ADAM20: variants seen among roughly 807,000 people sequenced by gnomAD.
ADAM20 encodes ADAM metallopeptidase domain 20.
For synonymous variants in ADAM20, 305 were observed against 310.2 expected (o/e 0.98, Z 0.18); for missense variants, 871 against 883.2 (o/e 0.99, Z 0.18).
chr14:70,535,197 T>C (rs916690741), upstream of ADAM20, among the ~76,000 whole-genome samples: 5 of 152,354 alleles, frequency 3.3e-5, no homozygotes, highest in South Asian at 1.0e-3. Context: ...ATTAAGCTAA[T>C]TTAATGTAAA....
intron 1 of ADAM20, among the ~76,000 whole-genome samples, chr14:70,530,607 G>A (rs1417639610): frequency 1.3e-5 from 2 of 152,066 alleles, no homozygotes; most frequent in East Asian, 3.8e-4. Flanking sequence ...ACATTAGATG[G>A]CTACAAAGTC....
At position 70,523,112 on chromosome 14, in the gene ADAM20, G is replaced by T. The variant is rs1883491288; in HGVS notation, c.1646C>A (p.Thr549Lys). 1.2e-6 allele frequency: 2 copies of T among 1,614,002 alleles called. No homozygotes were observed. Among genetic ancestry groups the T allele is most frequent in the Non-Finnish European group, 1.7e-6 (2 of 1,179,960 alleles). The change falls in exon 2 of 2, where the codon ACA (threonine) becomes AAA (lysine). Residue 549 changes from threonine to lysine, a missense_variant. Transcript: ENST00000256389. ...AGGGGTCCAACATTTTACATATGTTGTGCCTACAATACCACAGTGACCGAA... is the reference window on the plus strand; with the variant it reads ...AGGGGTCCAACATTTTACATATGTTTTGCCTACAATACCACAGTGACCGAA... ...NRFGHCGIVG[T>K]TYVKCWTPDI...
At chr14:70,560,089 T>C in the ADAM20 span, among the ~76,000 whole-genome samples, 1 of 152,124 alleles carries the variant, frequency 6.6e-6, no homozygotes, top group Non-Finnish European at 1.5e-5. Context: ...TCATCCAATA[T>C]AAAATTTATT....
rs775824254 is a variant in ADAM20 at position 70,523,354 on chromosome 14, T to G, written c.1404A>C (p.Gln468His). Reference protein sequence around the residue: ...FLPSGTLCRQQVGECDLPEWC... With the variant: ...FLPSGTLCRQHVGECDLPEWC... ...ACTCTGGAAGGTCACATTCACCAAC[T>G]TGTTGTCTACATAAAGTTCCTGATG... The change falls in exon 2 of 2, where the codon CAA becomes CAC. Residue 468 changes from glutamine to histidine, a missense_variant. Physicochemically the swap from Gln to His is conservative, Grantham distance 24. Transcript: ENST00000256389. 1 of 1,614,064 alleles carries G rather than the reference T, an allele frequency of 6.2e-7. No homozygotes were observed. Among genetic ancestry groups the G allele is most frequent in the Non-Finnish European group, 8.5e-7 (1 of 1,179,948 alleles).
the ADAM20 span, among the ~76,000 whole-genome samples, chr14:70,550,015 T>A: frequency 2.2e-5 from 1 of 46,066 alleles, no homozygotes; most frequent in Non-Finnish European, 3.8e-5. Context: ...TCAAAGCCAC[T>A]CAACTACATG....
chr14:70,529,568 C>T (rs912005771), intron 1 of ADAM20, among the ~76,000 whole-genome samples: 3 of 152,156 alleles, frequency 2.0e-5, no homozygotes, highest in African/African-American at 4.8e-5. Flanking sequence ...CAAACCTGTA[C>T]AGCATGCTAC....
At chr14:70,542,956 C>A in the ADAM20 span, among the ~76,000 whole-genome samples, 1 of 151,240 alleles carries the variant, frequency 6.6e-6, no homozygotes, top group Non-Finnish European at 1.5e-5. Context: ...AAAAAAGAGG[C>A]CTATGTAACA....
the ADAM20 span, among the ~76,000 whole-genome samples, chr14:70,553,525 T>TA: frequency 0.067 from 3,795 of 56,936 alleles, 140 homozygotes; most frequent in African/African-American, 0.12. Flanking sequence ...GCAAAAATCC[T>TA]AAAAAAAAAA....
the ADAM20 span, among the ~76,000 whole-genome samples, chr14:70,575,016 A>C: frequency 2.6e-5 from 4 of 152,116 alleles, no homozygotes; most frequent in Non-Finnish European, 5.9e-5. Context: ...AGAGAGTAGA[A>C]TGGCAGTTGC....
chr14:70,575,610 A>C, the ADAM20 span, among the ~76,000 whole-genome samples: 2 of 152,246 alleles, frequency 1.3e-5, no homozygotes, highest in Admixed American at 1.3e-4. Flanking sequence ...AGACATATAA[A>C]GTTGTAAAAT....
chr14:70,571,806 T>C, the ADAM20 span, among the ~76,000 whole-genome samples: 2 of 152,130 alleles, frequency 1.3e-5, no homozygotes, highest in Non-Finnish European at 2.9e-5. Context: ...CAAAAATCAA[T>C]GTACAAAAAT....
chr14:70,540,567 C>A, the ADAM20 span, among the ~76,000 whole-genome samples: 1 of 152,158 alleles, frequency 6.6e-6, no homozygotes, highest in African/African-American at 2.4e-5. Flanking sequence ...ATAGAGGCTA[C>A]AAGACTATAA....
At chr14:70,568,068 T>A in the ADAM20 span, among the ~76,000 whole-genome samples, 1 of 152,132 alleles carries the variant, frequency 6.6e-6, no homozygotes, top group African/African-American at 2.4e-5. Flanking sequence ...CTCCATCTAC[T>A]GGACTACAGC....
In ADAM20 at chr14:70,522,733, G is replaced by C. The variant is rs748875168; in HGVS notation, c.2025C>G (p.Gly675=). The change falls in exon 2 of 2, where the codon GGC becomes GGG. Residue 675 remains glycine, a synonymous_variant. Transcript: ENST00000256389. ...CTTCCATGTTGTTCTTAGGAGGTGG[G>C]CCACTATCAGCACTACCTCCATAGC... ...DKGYGGSADS[G]PPPKNNMEGL... is the part of the protein sequence containing the mutation. 2 of 1,614,008 alleles carry C rather than the reference G, an allele frequency of 1.2e-6. No homozygotes were observed. Among genetic ancestry groups the C allele is most frequent in the South Asian group, 2.2e-5 (2 of 91,078 alleles).
the ADAM20 span, among the ~76,000 whole-genome samples, chr14:70,579,347 GTTT>G: frequency 6.6e-6 from 1 of 151,978 alleles, no homozygotes. Context: ...GCCAACATCT[GTTT>G]TTTGACTTTT....
chr14:70,527,290 A>G (rs1220479176), intron 1 of ADAM20, among the ~76,000 whole-genome samples: 7 of 152,140 alleles, frequency 4.6e-5, no homozygotes, highest in Admixed American at 4.6e-4. Flanking sequence ...ATCTTCCTCC[A>G]GTTCCAGCTC....
chr14:70,535,225 T>C (rs1485266508), upstream of ADAM20, among the ~76,000 whole-genome samples: 1 of 152,190 alleles, frequency 6.6e-6, no homozygotes, highest in Non-Finnish European at 1.5e-5. Flanking sequence ...ATTTACATGA[T>C]GAGGCCAAAG....
At chr14:70,578,381 A>T in the ADAM20 span, among the ~76,000 whole-genome samples, 1 of 152,148 alleles carries the variant, frequency 6.6e-6, no homozygotes, top group African/African-American at 2.4e-5. Flanking sequence ...ACCTCAAATT[A>T]TAAAGATCCT....
At position 70,523,049 on chromosome 14, in the gene ADAM20, C is replaced by T. The variant is rs1030649654; in HGVS notation, c.1709G>A (p.Gly570Glu). Residue 570 changes from glycine (G) to glutamate (E), a missense_variant, in exon 2 of 2, where the codon GGA becomes GAA. By Grantham distance (98) the Gly-to-Glu change is moderately conservative. Coordinates refer to ENST00000256389, the MANE Select transcript of ADAM20 (RefSeq NM_003814.5). ...ATGCTCTATCAGATTGGGAATTACTCCCACATTTTCACACTGAACCCTCCC... is the reference window on the plus strand; with the variant it reads ...ATGCTCTATCAGATTGGGAATTACTTCCACATTTTCACACTGAACCCTCCC... ...MCGRVQCENV[G>E]VIPNLIEHST... The T allele has an allele frequency of 2.5e-6, 4 of 1,613,854 alleles. No individual in the cohort carries two copies. The African/African-American group carries it at 5.3e-5, about 22-fold the overall frequency.
Sources: allele counts gnomAD v4.1 joint callset (sites outside exome capture counted in the v4.1 genomes callset), GRCh38; gene constraint gnomAD v4.1.1; transcripts MANE v1.5; gene names NCBI Gene and HGNC (gene_info 2026-07-23, HGNC 2026-07-21).